The following C14orf39 variants were observed in gnomAD, a reference collection of about 807,000 sequenced individuals.
C14orf39 encodes chromosome 14 open reading frame 39, also known as protein SIX6OS1.
C14orf39 carries 66 observed loss-of-function variants against 85.6 expected under a neutral mutation model. That is an observed-to-expected ratio of 0.77 (90% CI 0.63 to 0.95). The LOEUF (loss-of-function observed/expected upper bound fraction) is 0.95. Ranked by LOEUF, C14orf39 falls within the 40% of genes least tolerant of loss-of-function variation. The pLI, the probability that C14orf39 is intolerant of heterozygous loss-of-function variation, is 0.00. For missense variants in C14orf39, 735 were observed against 663.9 expected, an observed-to-expected ratio of 1.11 and a Z score of -1.18; for synonymous variants, 242 against 214.0, an observed-to-expected ratio of 1.13 and a Z score of -1.14.
chr14:60,473,327 G>C (rs1283060215), intron 5 of C14orf39, among the ~76,000 whole-genome samples: 3 of 152,084 alleles, frequency 2.0e-5, no homozygotes, highest in Admixed American at 2.0e-4. Flanking sequence ...TGAGTAGATT[G>C]CAAAAATTTT....
rs779949517 is a variant in C14orf39, at chr14:60,457,009, A to G, written c.1266T>C (p.Ser422=). 67 of 1,611,226 alleles carry G rather than the reference A, an allele frequency of 4.2e-5. No individual in the cohort carries two copies. The highest frequency in any genetic ancestry group is 1.7e-4 in the Middle Eastern group (1 of 6,050). Reference sequence around the variant, plus strand: ...GAGTTCCTAAAAATATAGGAATTTCAGACGTTCGTGGAAAATTCTCAGCTC... The same window carrying G: ...GAGTTCCTAAAAATATAGGAATTTCGGACGTTCGTGGAAAATTCTCAGCTC... The part of the protein sequence containing the change: ...EERAENFPRT[S]EIPIFLGTPK... The change falls in exon 15 of 18, where the codon TCT becomes TCC. Residue 422 remains serine, a synonymous_variant. Transcript: ENST00000321731.
At chr14:60,455,752 C>T (rs1891244818) in intron 15 of C14orf39, among the ~76,000 whole-genome samples, 1 of 152,034 alleles carries the variant, frequency 6.6e-6, no homozygotes, top group South Asian at 2.1e-4. Context: ...ATTCTGTTTC[C>T]TCTTCTGTAA....
Position 60,471,461 on chromosome 14 carries a change from T to C in C14orf39, c.512-2A>G. The C allele has an allele frequency of 1.2e-5, 19 of 1,599,984 alleles. No homozygotes were observed. The highest frequency in any genetic ancestry group is 1.6e-5 in the Non-Finnish European group (19 of 1,173,228). On this transcript the variant is annotated splice_acceptor_variant, in intron 6 of 17. Coordinates refer to ENST00000321731, the MANE Select transcript of C14orf39 (RefSeq NM_174978.3). LOFTEE classifies it high-confidence loss of function. ...TAAGTGATGGAAAGGGAGCAGGCAC[T>C]GAAAAATAAAGTCACAGCATAAGCT...
At chr14:60,447,649 C>T (rs1429128276) in intron 16 of C14orf39, among the ~76,000 whole-genome samples, 2 of 152,168 alleles carry the variant, frequency 1.3e-5, no homozygotes, top group African/African-American at 2.4e-5. Context: ...ATGCTATCCC[C>T]ATCAAGCTAC....
intron 4 of C14orf39, among the ~76,000 whole-genome samples, chr14:60,480,081 A>G (rs1342856724): frequency 6.6e-6 from 1 of 152,138 alleles, no homozygotes; most frequent in Non-Finnish European, 1.5e-5. Flanking sequence ...TCAAATTAAA[A>G]CCAAAATAAG....
intron 1 of C14orf39, among the ~76,000 whole-genome samples, chr14:60,502,077 T>C (rs1893156259): frequency 1.3e-5 from 2 of 152,230 alleles, no homozygotes; most frequent in South Asian, 4.1e-4. Context: ...TACTGCTTTA[T>C]CTGCTTCTAT....
At chr14:60,511,256 G>A (rs1244555239) in intron 1 of C14orf39, 2 of 1,613,290 alleles carry the variant, frequency 1.2e-6, no homozygotes, top group East Asian at 2.2e-5. Flanking sequence ...CATCTGAGTT[G>A]CCCATCCAGG....
chr14:60,455,250 G>A, intron 15 of C14orf39, 105 bp from the exon 16 acceptor site: 1 of 719,600 alleles, frequency 1.4e-6, no homozygotes, highest in South Asian at 2.4e-5. Context: ...GCATAGTAGG[G>A]AAATGTAGGA....
intron 1 of C14orf39, among the ~76,000 whole-genome samples, chr14:60,514,202 T>A (rs1047928226): frequency 1.1e-4 from 16 of 152,328 alleles, no homozygotes; most frequent in Non-Finnish European, 1.3e-4. Context: ...ACTTTTTCCA[T>A]ATCAGCTTCA....
At chr14:60,468,944 C>A (rs1190427311) in intron 8 of C14orf39, among the ~76,000 whole-genome samples, 1 of 151,154 alleles carries the variant, frequency 6.6e-6, no homozygotes, top group Non-Finnish European at 1.5e-5. Context: ...ACATAATTTT[C>A]AAAAATTTAG....
chr14:60,494,264 A>G (rs971780799), intron 2 of C14orf39: 10 of 176,694 alleles, frequency 5.7e-5, no homozygotes, highest in African/African-American at 2.1e-4. Context: ...ATGTCTAGTT[A>G]TTGTTTACCT....
chr14:60,487,731 T>C (rs1332575507), upstream of C14orf39, among the ~76,000 whole-genome samples: 1 of 152,188 alleles, frequency 6.6e-6, no homozygotes, highest in Non-Finnish European at 1.5e-5. Flanking sequence ...CGGTACCCAT[T>C]TGCATTCCCG....
chr14:60,508,805 C>A (rs1893243180), intron 1 of C14orf39: 1 of 156,632 alleles, frequency 6.4e-6, no homozygotes, highest in Non-Finnish European at 1.4e-5. Context: ...GACCTCTCGA[C>A]CGAGACAACG....
At chr14:60,471,764 T>C (rs1014925870) in intron 5 of C14orf39, 25 bp from the exon 6 acceptor site, 32 of 1,349,670 alleles carry the variant, frequency 2.4e-5, no homozygotes, top group Non-Finnish European at 3.2e-5. Context: ...AGAAATGATG[T>C]TTATATAACA....
chr14:60,495,536 G>A (rs117810719), intron 2 of C14orf39: 2,517 of 214,706 alleles, frequency 0.012, 21 homozygotes, highest in Middle Eastern at 0.034. Flanking sequence ...TCATCTATGG[G>A]GACAGGTACA....
At chr14:60,509,773 T>G in intron 1 of C14orf39, 1 of 1,612,952 alleles carries the variant, frequency 6.2e-7, no homozygotes, top group Non-Finnish European at 8.5e-7. Flanking sequence ...CGCGCACCAT[T>G]TGGGACGGCG....
upstream of C14orf39, among the ~76,000 whole-genome samples, chr14:60,490,560 G>A (rs1430782221): frequency 6.6e-6 from 1 of 152,058 alleles, no homozygotes; most frequent in African/African-American, 2.4e-5. Flanking sequence ...GGAATTCAAG[G>A]CTGTGGCGAG....
At chr14:60,505,787 C>T (rs1186290159) in intron 1 of C14orf39, among the ~76,000 whole-genome samples, 4 of 152,138 alleles carry the variant, frequency 2.6e-5, no homozygotes, top group Non-Finnish European at 4.4e-5. Flanking sequence ...AAGATTGGAA[C>T]CCAGAGGTAG....
In C14orf39 at chr14:60,465,980, TG is replaced by T; in HGVS notation, c.970del (p.Gln324ArgfsTer32). ...TACTACTAAAAGTGAGACACCTACC[TG>T]TGTATCATTTTCTTTTTGTCTAAAG... is the stretch of plus-strand genomic sequence containing the variant. The part of the protein sequence containing the change: ...IDFRQKENDT[Q>X]IFNDSAVDNH... On this transcript the variant is annotated frameshift_variant and splice_region_variant, in exon 11 of 18. Transcript: ENST00000321731. LOFTEE classifies it high-confidence loss of function. 6.5e-7 allele frequency: 1 copy of T among 1,535,162 alleles called. No individual in the cohort carries two copies. The highest frequency in any genetic ancestry group is 8.8e-7 in the Non-Finnish European group (1 of 1,140,126).
Sources: allele counts gnomAD v4.1 joint callset (sites outside exome capture counted in the v4.1 genomes callset), GRCh38; gene constraint gnomAD v4.1.1; transcripts MANE v1.5; gene names NCBI Gene and HGNC (gene_info 2026-07-23, HGNC 2026-07-21).